TBC1D2: variants seen among roughly 807,000 people sequenced by gnomAD.
TBC1D2 encodes the protein TBC1 domain family member 2.
Under a neutral mutation model 91.1 loss-of-function variants are expected in TBC1D2, and 58 were observed. The observed-to-expected ratio is 0.64, with a 90% CI of 0.52 to 0.79. TBC1D2 has a LOEUF of 0.79. Ranked by LOEUF, TBC1D2 falls within the 30% of genes least tolerant of loss-of-function variation. The probability of loss-of-function intolerance (pLI) is 0.00; values close to 1 mark genes in which losing one functional copy is unlikely to be tolerated. For missense variants in TBC1D2, 1,080 were observed against 1,208.3 expected, an observed-to-expected ratio of 0.89 and a Z score of 1.57; for synonymous variants, 482 against 511.5, an observed-to-expected ratio of 0.94 and a Z score of 0.78.
chr9:98,247,362 C>CAA lies in TBC1D2; in HGVS notation c.512-3235_512-3234dup, dbSNP rs200032213. Among the ~76,000 whole-genome samples the CAA allele has an allele frequency of 8.4e-3, 1,178 of 139,462 alleles. 15 individuals carry two copies. The highest frequency in any genetic ancestry group is 0.021 in the African/African-American group (772 of 37,552). The allele number at this position is 139,462 out of a possible 152,430, so 91.5% of individuals were successfully genotyped here. ...AAAAACAAAAACAAACACAAACAAA[C>CAA]AAAAAAAAAAACAAGAAGGATACTC... On this transcript the variant is annotated intron_variant, in intron 2 of 12. Coordinates refer to ENST00000465784, the MANE Select transcript of TBC1D2 (RefSeq NM_001267571.2).
chr9:98,254,166 G>C (rs1452524127), intron 1 of TBC1D2, among the ~76,000 whole-genome samples: 1 of 152,196 alleles, frequency 6.6e-6, no homozygotes, highest in Non-Finnish European at 1.5e-5. Flanking sequence ...GGGGTTGGAG[G>C]GGTGGACAGA....
Position 98,201,601 on chromosome 9 carries a change from C to T in TBC1D2, c.2335G>A (p.Gly779Arg). ...AGGGAGAGATCCACGTGGTGCTGCC[C>T]CAGATGGGCCATCAGCCTGGGCAGC... ...EKLPRLMAHL[G>R]QHHVDLSLVT... The change falls in exon 11 of 13, where the codon GGG (glycine) becomes AGG (arginine). Residue 779 changes from glycine (G) to arginine (R), a missense_variant. By Grantham distance (125) the Gly-to-Arg change is moderately radical. Transcript: ENST00000465784. The T allele has an allele frequency of 6.2e-7, 1 of 1,614,094 alleles. No homozygotes were observed. The highest frequency in any genetic ancestry group is 1.1e-5 in the South Asian group (1 of 91,082).
At chr9:98,248,435 G>C (rs1829809051) in intron 2 of TBC1D2, among the ~76,000 whole-genome samples, 1 of 152,230 alleles carries the variant, frequency 6.6e-6, no homozygotes, top group Non-Finnish European at 1.5e-5. Context: ...AGCTCTGAGG[G>C]TTGCCCCACC....
intron 1 of TBC1D2, 45 bp downstream of exon 1, chr9:98,255,128 G>C (rs1366095781): frequency 6.4e-7 from 1 of 1,561,652 alleles, no homozygotes; most frequent in African/African-American, 1.4e-5. Flanking sequence ...TGCGAAAAGG[G>C]GACCTCACGC....
At chr9:98,203,110 G>A (rs1340102581) in intron 10 of TBC1D2, among the ~76,000 whole-genome samples, 178 bp downstream of exon 10, 2 of 152,258 alleles carry the variant, frequency 1.3e-5, no homozygotes, top group Admixed American at 6.5e-5. Flanking sequence ...AATAATCCCC[G>A]ATTGAAGCTG....
At chr9:98,250,773 T>G (rs919433393) in intron 2 of TBC1D2, among the ~76,000 whole-genome samples, 1 of 152,176 alleles carries the variant, frequency 6.6e-6, no homozygotes, top group African/African-American at 2.4e-5. Context: ...GGCTTTGTAC[T>G]GGGACCTGAT....
rs1828409863 is a variant in TBC1D2, at chr9:98,199,072, TA to T, written c.*308del. ...TACATTGTTTTATATTGATATAACC[TA>T]GAGAATGTTCCAGGTTACCCTATAG... On this transcript the variant is annotated 3_prime_UTR_variant, in exon 13 of 13. Transcript: ENST00000465784. 8 of 536,658 alleles carry T rather than the reference TA, an allele frequency of 1.5e-5. No homozygotes were observed. Among genetic ancestry groups the T allele is most frequent in the Admixed American group, 6.5e-5 (2 of 30,766 alleles). 33.2% of individuals were successfully genotyped at this position (536,658 alleles called of 1,614,324 possible). A position where few individuals can be genotyped will look rare whatever the true frequency, so the allele number is the denominator to read the frequency against.
intron 3 of TBC1D2, among the ~76,000 whole-genome samples, chr9:98,242,356 A>G (rs1306604850): frequency 2.0e-5 from 3 of 151,412 alleles, no homozygotes; most frequent in Non-Finnish European, 4.4e-5. Context: ...CAGGAGAATC[A>G]CTTGAACACG....
At chr9:98,201,782 C>A (rs988768584) in intron 10 of TBC1D2, 118 bp from the exon 11 acceptor site, 2 of 1,033,896 alleles carry the variant, frequency 1.9e-6, no homozygotes, top group Non-Finnish European at 2.7e-6. Flanking sequence ...CTGGGCAGGT[C>A]CTTTCCTGCC....
At position 98,200,329 on chromosome 9, in the gene TBC1D2, C is replaced by T; in HGVS notation, c.2503G>A (p.Glu835Lys). The change falls in exon 12 of 13, where the codon GAG becomes AAG. Residue 835 changes from glutamate (E) to lysine (K), a missense_variant. Physicochemically the swap from Glu to Lys is moderately conservative, Grantham distance 56. Transcript: ENST00000465784. The part of the protein sequence containing the change: ...ALAIFKYNEK[E>K]ILRLQNGLEI... ...AGGCCATTCTGTAGCCTCAAGATCT[C>T]CTTCTCGTTGTACTTGAAAATGGCC... 6.2e-7 allele frequency: 1 copy of T among 1,613,444 alleles called. No homozygotes were observed. Among genetic ancestry groups the T allele is most frequent in the Non-Finnish European group, 8.5e-7 (1 of 1,179,874 alleles).
intron 7 of TBC1D2, among the ~76,000 whole-genome samples, chr9:98,212,644 G>T (rs1828875532): frequency 6.6e-6 from 1 of 152,184 alleles, no homozygotes; most frequent in African/African-American, 2.4e-5. Context: ...CGGGACTGCA[G>T]GCGCCCGCCA....
chr9:98,210,772 C>T lies in TBC1D2; in HGVS notation c.1557G>A (p.Glu519=). ...ACTCGCTGGCTTCGTCCCCCAGGGC[C>T]TCCTGCAGCCTTCTCAGACCGGCCA... is the stretch of plus-strand genomic sequence containing the variant. The part of the protein sequence containing the change: ...KYLAGLRRLQ[E]ALGDEASECS... The change falls in exon 8 of 13, where the codon GAG becomes GAA. Residue 519 remains glutamate (E), a synonymous_variant. Transcript: ENST00000465784. 1 of 1,561,310 alleles carries T rather than the reference C, an allele frequency of 6.4e-7. No individual in the cohort carries two copies. Among genetic ancestry groups the T allele is most frequent in the Non-Finnish European group, 8.7e-7 (1 of 1,152,550 alleles).
chr9:98,228,802 CA>C lies in TBC1D2; in HGVS notation c.978+149del, dbSNP rs1829295341. 1 of 717,706 alleles carries C rather than the reference CA, an allele frequency of 1.4e-6. No homozygotes were observed. Among genetic ancestry groups the C allele is most frequent in the East Asian group, 2.6e-5 (1 of 38,786 alleles). 44.5% of individuals were successfully genotyped at this position (717,706 alleles called of 1,614,324 possible). ...CATCAGGTTCTTGAGTAATCAACAG[CA>C]TATTTCAACATTCTGCAGTTTGGCC... On this transcript the variant is annotated intron_variant, in intron 5 of 12. Coordinates refer to ENST00000465784, the MANE Select transcript of TBC1D2 (RefSeq NM_001267571.2). The surrounding 1 kb of genome is among the most constrained non-coding windows in gnomAD (Gnocchi z 4.0).
intron 6 of TBC1D2, among the ~76,000 whole-genome samples, chr9:98,216,957 C>G (rs796997626): frequency 4.6e-5 from 7 of 152,334 alleles, no homozygotes; most frequent in African/African-American, 1.7e-4. Context: ...CCAACCGTGG[C>G]CTCTCAAAGC....
At position 98,230,478 on chromosome 9, in the gene TBC1D2, A is replaced by G. The variant is rs576317603; in HGVS notation, c.782-1330T>C. Among the ~76,000 whole-genome samples the G allele has an allele frequency of 1.3e-3, 196 of 152,328 alleles. 3 individuals are homozygous for G. Among genetic ancestry groups the G allele is most frequent in the South Asian group, 5.0e-3 (24 of 4,834 alleles). On this transcript the variant is annotated intron_variant, in intron 4 of 12. Coordinates refer to ENST00000465784, the MANE Select transcript of TBC1D2 (RefSeq NM_001267571.2). The stretch of plus-strand genomic sequence containing the variant: ...GACTAAAGTGTTAAAGGTGTTGAAA[A>G]TAAGAATGTGGTATGGCATCCCAGG...
chr9:98,199,855 G>C (rs529939449), intron 12 of TBC1D2, among the ~76,000 whole-genome samples: 2 of 152,214 alleles, frequency 1.3e-5, no homozygotes, highest in Admixed American at 1.3e-4. Context: ...CGTGTGAGCT[G>C]AGTTTTAAGG....
intron 6 of TBC1D2, among the ~76,000 whole-genome samples, chr9:98,217,983 T>A (rs573779111): frequency 3.3e-5 from 5 of 152,268 alleles, no homozygotes; most frequent in African/African-American, 1.2e-4. Context: ...CCCAAGTAGC[T>A]GGGACTACAG....
intron 4 of TBC1D2, 62 bp from the exon 5 acceptor site, chr9:98,229,210 C>T: frequency 6.5e-7 from 1 of 1,539,548 alleles, no homozygotes; most frequent in Non-Finnish European, 8.9e-7. Flanking sequence ...CAAACCTGAG[C>T]TTGCTTTAGA....
In TBC1D2 at chr9:98,209,076, T is replaced by C; in HGVS notation, c.1742A>G (p.Lys581Arg). 6.2e-7 allele frequency: 1 copy of C among 1,614,146 alleles called. No individual in the cohort carries two copies. The highest frequency in any genetic ancestry group is 8.5e-7 in the Non-Finnish European group (1 of 1,180,024). The change falls in exon 9 of 13, where the codon AAG becomes AGG. Residue 581 changes from lysine (K) to arginine (R), a missense_variant. Coordinates refer to ENST00000465784, the MANE Select transcript of TBC1D2 (RefSeq NM_001267571.2). The part of the protein sequence containing the change: ...YEVEDLKLLA[K>R]IQALESRSHH... ...GGATCGTGACTCCAATGCCTGGATC[T>C]TGGCCAGCAGCTTCAGGTCTTCCAC...
Sources: allele counts gnomAD v4.1 joint callset (sites outside exome capture counted in the v4.1 genomes callset), GRCh38; gene constraint gnomAD v4.1.1; non-coding constraint Gnocchi (gnomAD v3.1); transcripts MANE v1.5; gene names NCBI Gene and HGNC (gene_info 2026-07-23, HGNC 2026-07-21).